The following SGIP1 variants were observed in gnomAD, a reference collection of about 807,000 sequenced individuals.
SGIP1 encodes SH3GL interacting endocytic adaptor 1.
In SGIP1, 38 loss-of-function variants were observed where a neutral mutation model predicts 107.5. The ratio of observed to expected loss-of-function variants is 0.35; its 90% confidence interval spans 0.27 to 0.46. SGIP1 has a LOEUF of 0.46. Ranked by LOEUF, SGIP1 falls within the 20% of genes least tolerant of loss-of-function variation. The probability of loss-of-function intolerance (pLI) is 1.00; values close to 1 mark genes in which losing one functional copy is unlikely to be tolerated. For missense variants in SGIP1, 929 were observed against 1,019.5 expected (o/e 0.91, Z 1.21); for synonymous variants, 365 against 366.1 (o/e 1.00, Z 0.03).
At chr1:66,629,219 T>C (rs1269890267) in intron 2 of SGIP1, among the ~76,000 whole-genome samples, 1 of 152,180 alleles carries the variant, frequency 6.6e-6, no homozygotes, top group Non-Finnish European at 1.5e-5. Context: ...CAACTTCAGC[T>C]GATTGAACCT....
At chr1:66,700,179 C>A (rs1001534766) in intron 18 of SGIP1, among the ~76,000 whole-genome samples, 1 of 151,978 alleles carries the variant, frequency 6.6e-6, no homozygotes, top group Non-Finnish European at 1.5e-5. Context: ...AAGACCAGCA[C>A]AGCCAACATG....
intron 19 of SGIP1, among the ~76,000 whole-genome samples, chr1:66,721,984 A>C (rs1572247425): frequency 6.6e-6 from 1 of 151,342 alleles, no homozygotes; most frequent in African/African-American, 2.4e-5. Flanking sequence ...CTCTTACAAG[A>C]CCCTCCATGA....
At chr1:66,685,851 C>T (rs1173940111) in intron 15 of SGIP1, among the ~76,000 whole-genome samples, 1 of 152,190 alleles carries the variant, frequency 6.6e-6, no homozygotes, top group Non-Finnish European at 1.5e-5. Flanking sequence ...AATATTTTCA[C>T]CATTGCAGAC....
chr1:66,533,917 G>A (rs1437022282), upstream of SGIP1, among the ~76,000 whole-genome samples: 1 of 151,866 alleles, frequency 6.6e-6, no homozygotes, highest in Non-Finnish European at 1.5e-5. Flanking sequence ...ACGAGGAGGG[G>A]CGGGGGAAGT....
intron 1 of SGIP1, among the ~76,000 whole-genome samples, chr1:66,566,670 G>A (rs572636778): frequency 1.3e-5 from 2 of 151,908 alleles, no homozygotes; most frequent in Non-Finnish European, 2.9e-5. Context: ...TATTGTTTTT[G>A]CCTTCCTCAG....
intron 1 of SGIP1, among the ~76,000 whole-genome samples, chr1:66,565,742 C>T (rs1189885585): frequency 1.3e-5 from 2 of 151,998 alleles, no homozygotes; most frequent in African/African-American, 4.8e-5. Context: ...CATTTGCTTA[C>T]ACATTTATTC....
chr1:66,591,204 T>C (rs1217534183), intron 1 of SGIP1, among the ~76,000 whole-genome samples: 1 of 152,184 alleles, frequency 6.6e-6, no homozygotes, highest in Non-Finnish European at 1.5e-5. Context: ...GGTCTGGAAA[T>C]ATCTTACCAA....
At chr1:66,627,379 TG>T (rs1181614228) in intron 2 of SGIP1, among the ~76,000 whole-genome samples, 1 of 151,924 alleles carries the variant, frequency 6.6e-6, no homozygotes, top group African/African-American at 2.4e-5. Flanking sequence ...ACAAGACAAA[TG>T]GGGCAGTTTG....
intron 4 of SGIP1, among the ~76,000 whole-genome samples, chr1:66,638,753 A>C (rs1288546110): frequency 2.0e-5 from 3 of 152,096 alleles, no homozygotes; most frequent in African/African-American, 7.2e-5. Context: ...TTCTCCACCC[A>C]TTTGTCAAAT....
At chr1:66,617,002 C>A (rs1017005549) in intron 1 of SGIP1, among the ~76,000 whole-genome samples, 1 of 152,106 alleles carries the variant, frequency 6.6e-6, no homozygotes, top group Non-Finnish European at 1.5e-5. Flanking sequence ...GTGCTCAGCT[C>A]AGAATGATGA....
At chr1:66,581,062 T>C (rs189224254) in intron 1 of SGIP1, among the ~76,000 whole-genome samples, 1 of 152,240 alleles carries the variant, frequency 6.6e-6, no homozygotes, top group East Asian at 1.9e-4. Flanking sequence ...TTTGTAACAT[T>C]TTCTCGTCAC....
At position 66,746,000 on chromosome 1, in the gene SGIP1, C is replaced by T. The variant is rs1306294327; in HGVS notation, c.*2905C>T. On this transcript the variant is annotated 3_prime_UTR_variant, in exon 25 of 25. Coordinates refer to ENST00000371037, the MANE Select transcript of SGIP1 (RefSeq NM_032291.4). The stretch of plus-strand genomic sequence containing the variant: ...GTATGGTATTTGGGAATATATTTCA[C>T]CTGTAAAAGAAAGAATGTCCACAAT... 2.0e-5 allele frequency: 3 copies of T among 152,042 alleles called. No homozygotes were observed. The highest frequency in any genetic ancestry group is 4.8e-5 in the African/African-American group (2 of 41,406). The allele number at this position is 152,042 out of a possible 1,614,324, so 9.4% of individuals were successfully genotyped here. A position where few individuals can be genotyped will look rare whatever the true frequency, so the allele number is the denominator to read the frequency against.
chr1:66,568,815 C>A (rs1473222918), intron 1 of SGIP1, among the ~76,000 whole-genome samples: 1 of 151,910 alleles, frequency 6.6e-6, no homozygotes. Flanking sequence ...TAAAATTCAA[C>A]ATCCCTTCAT....
chr1:66,707,657 A>G (rs2092616735), intron 18 of SGIP1, among the ~76,000 whole-genome samples: 2 of 152,164 alleles, frequency 1.3e-5, no homozygotes, highest in South Asian at 4.1e-4. Flanking sequence ...TAGATTCCAA[A>G]GAATGTGACA....
intron 17 of SGIP1, among the ~76,000 whole-genome samples, chr1:66,692,013 G>C (rs2089959421): frequency 6.6e-6 from 1 of 152,034 alleles, no homozygotes. Context: ...ACAAAAATTA[G>C]CCGGGTGTGG....
chr1:66,634,120 C>T (rs1394360653), intron 3 of SGIP1: 2 of 1,610,288 alleles, frequency 1.2e-6, no homozygotes, highest in South Asian at 1.1e-5. Flanking sequence ...CTTCTCCTCA[C>T]CTCTTGCTTC....
chr1:66,588,252 T>G (rs2062953664), intron 1 of SGIP1, among the ~76,000 whole-genome samples: 1 of 151,952 alleles, frequency 6.6e-6, no homozygotes, highest in South Asian at 2.1e-4. Context: ...TATATTTGTC[T>G]CCTTGAAAAC....
At chr1:66,618,008 C>G (rs2069842393) in intron 1 of SGIP1, among the ~76,000 whole-genome samples, 1 of 151,688 alleles carries the variant, frequency 6.6e-6, no homozygotes, top group East Asian at 2.0e-4. Context: ...TCAGGTGCTT[C>G]TCATGCGCCA....
chr1:66,588,659 T>C (rs2063067244), intron 1 of SGIP1, among the ~76,000 whole-genome samples: 1 of 108,530 alleles, frequency 9.2e-6, no homozygotes, highest in Non-Finnish European at 1.9e-5. Context: ...TTTTTTTTTT[T>C]GCATTTTTAA....
Sources: gnomAD v4.1 joint callset for allele counts (sites outside exome capture counted in the v4.1 genomes callset) on GRCh38, gnomAD v4.1.1 for gene constraint, MANE v1.5 for transcripts, NCBI Gene and HGNC (gene_info 2026-07-23, HGNC 2026-07-21) for gene names.